Variants in GABRB1 observed in about 807,000 individuals in gnomAD.
The protein encoded by GABRB1 is gamma-aminobutyric acid receptor subunit beta-1.
In GABRB1, 17 loss-of-function variants were observed where a neutral mutation model predicts 51.6. The ratio of observed to expected loss-of-function variants is 0.33; its 90% CI spans 0.23 to 0.49. The LOEUF (loss-of-function observed/expected upper bound fraction) is 0.49, where lower values mean the gene tolerates loss of function less well. GABRB1 is among the 20% of genes least tolerant of loss of function. The pLI, the probability that GABRB1 is intolerant of heterozygous loss-of-function variation, is 0.99. For synonymous variants in GABRB1, 247 were observed against 218.9 expected, an observed-to-expected ratio of 1.13 and a Z score of -1.14; for missense variants, 410 against 600.6, an observed-to-expected ratio of 0.68 and a Z score of 3.32.
rs56838956 is a variant in GABRB1, at chr4:47,254,361, G to GTTTTTTTTTTTTTTTTTTTT, written c.462-65754_462-65735dup. ...ATGGTGGATGATGTTTCTTTTCTTT[G>GTTTTTTTTTTTTTTTTTTTT]TTTTTTTTTTTTTTTTTTTTTTTTT... On this transcript the variant is annotated intron_variant, in intron 4 of 8. Coordinates refer to ENST00000295454, the MANE Select transcript of GABRB1 (RefSeq NM_000812.4). Among the ~76,000 whole-genome samples the GTTTTTTTTTTTTTTTTTTTT allele has an allele frequency of 2.2e-4, 18 of 80,968 alleles. 1 individual carries two copies. The highest frequency in any genetic ancestry group is 8.8e-4 in the African/African-American group (17 of 19,290). The allele number at this position is 80,968 out of a possible 152,430, so 53.1% of individuals were successfully genotyped here.
chr4:47,304,166 G>A (rs141973417), intron 4 of GABRB1, among the ~76,000 whole-genome samples: 18 of 152,002 alleles, frequency 1.2e-4, no homozygotes, highest in African/African-American at 3.9e-4. Flanking sequence ...CCCAGTAGAC[G>A]GATTGCAGGA....
chr4:47,304,791 C>A (rs1400287654), intron 4 of GABRB1, among the ~76,000 whole-genome samples: 2 of 152,036 alleles, frequency 1.3e-5, no homozygotes, highest in Non-Finnish European at 2.9e-5. Flanking sequence ...TATGGAGCTA[C>A]TAAAATCTGC....
At chr4:46,996,396 A>C (rs1260888379) in intron 1 of GABRB1, among the ~76,000 whole-genome samples, 2 of 152,164 alleles carry the variant, frequency 1.3e-5, no homozygotes, top group African/African-American at 4.8e-5. Context: ...TTTACTTTGG[A>C]TATAATAAGA....
chr4:47,140,574 G>A (rs573048525), intron 3 of GABRB1, among the ~76,000 whole-genome samples: 1 of 151,894 alleles, frequency 6.6e-6, no homozygotes, highest in Admixed American at 6.6e-5. Flanking sequence ...GCAGTGACAT[G>A]CAAAACATGG....
At chr4:47,399,635 G>T (rs1382689386) in intron 5 of GABRB1, among the ~76,000 whole-genome samples, 1 of 152,174 alleles carries the variant, frequency 6.6e-6, no homozygotes, top group African/African-American at 2.4e-5. Context: ...TTCTGTAGAA[G>T]AGTTTCCTCA....
chr4:47,173,845 A>G (rs542630902), intron 4 of GABRB1, among the ~76,000 whole-genome samples: 1 of 152,124 alleles, frequency 6.6e-6, no homozygotes, highest in Non-Finnish European at 1.5e-5. Flanking sequence ...TTGATTCTCC[A>G]TTATCCACCA....
chr4:47,017,567 A>G (rs904243889), intron 1 of GABRB1, among the ~76,000 whole-genome samples: 1 of 152,206 alleles, frequency 6.6e-6, no homozygotes, highest in Non-Finnish European at 1.5e-5. Flanking sequence ...ATAAAAGCCT[A>G]TAAAACAGGA....
At chr4:47,396,347 C>T (rs945964727) in intron 5 of GABRB1, among the ~76,000 whole-genome samples, 3 of 152,080 alleles carry the variant, frequency 2.0e-5, no homozygotes, top group Non-Finnish European at 4.4e-5. Context: ...CCACCAGGTC[C>T]CTCCCACAAC....
chr4:47,113,771 TGTTG>T (rs1287803749), intron 3 of GABRB1, among the ~76,000 whole-genome samples: 4 of 152,386 alleles, frequency 2.6e-5, no homozygotes, highest in South Asian at 4.1e-4. Flanking sequence ...CAATGTTTTT[TGTTG>T]GTTTCACCAA....
At chr4:47,254,818 G>A (rs896216347) in intron 4 of GABRB1, among the ~76,000 whole-genome samples, 3 of 152,094 alleles carry the variant, frequency 2.0e-5, no homozygotes, top group Non-Finnish European at 2.9e-5. Context: ...TCTTTATCAT[G>A]CATGCAAAAA....
intron 5 of GABRB1, among the ~76,000 whole-genome samples, chr4:47,336,076 C>A (rs552681372): frequency 6.6e-6 from 1 of 152,254 alleles, no homozygotes; most frequent in South Asian, 2.1e-4. Context: ...AAAATGCCAT[C>A]GACCAAGTGG....
chr4:46,998,628 G>A (rs1212004947), intron 1 of GABRB1, among the ~76,000 whole-genome samples: 2 of 151,602 alleles, frequency 1.3e-5, no homozygotes, highest in African/African-American at 4.8e-5. Flanking sequence ...CAGCTACTCG[G>A]GAGGCTGAGG....
In GABRB1 at chr4:47,051,687, A is replaced by G. The variant is rs1352562672; in HGVS notation, c.240+19203A>G. ...ATGATAATAAGAGTTCAGAAGAAAC[A>G]ATAAGAGCCAAAGGCAACCAGGAAA... is the stretch of plus-strand genomic sequence containing the variant. On this transcript the variant is annotated intron_variant, in intron 3 of 8. Transcript: ENST00000295454. 3.3e-5 allele frequency among the ~76,000 whole-genome samples: 5 copies of G among 152,318 alleles called. No homozygotes were observed. The East Asian group carries it at 9.6e-4, about 29-fold the overall frequency.
At chr4:47,088,723 C>A (rs1728176957) in intron 3 of GABRB1, among the ~76,000 whole-genome samples, 1 of 152,190 alleles carries the variant, frequency 6.6e-6, no homozygotes, top group Non-Finnish European at 1.5e-5. Flanking sequence ...TATATCATCC[C>A]CGTTACTACC....
At chr4:47,318,167 C>A (rs1386757008) in intron 4 of GABRB1, among the ~76,000 whole-genome samples, 1 of 151,946 alleles carries the variant, frequency 6.6e-6, no homozygotes. Context: ...TCAGTCCTCT[C>A]ATTAATCAAA....
intron 4 of GABRB1, among the ~76,000 whole-genome samples, chr4:47,239,776 G>T (rs1268710373): frequency 6.6e-6 from 1 of 152,122 alleles, no homozygotes; most frequent in African/African-American, 2.4e-5. Flanking sequence ...CTTTCCTAGC[G>T]ATCTGCAGAG....
chr4:47,197,256 TG>T (rs1719719086), intron 4 of GABRB1, among the ~76,000 whole-genome samples: 2 of 152,228 alleles, frequency 1.3e-5, no homozygotes, highest in Admixed American at 1.3e-4. Flanking sequence ...CCTGGATATA[TG>T]TTTGATCTAC....
intron 3 of GABRB1, among the ~76,000 whole-genome samples, chr4:47,125,539 G>C: frequency 6.9e-6 from 1 of 144,856 alleles, no homozygotes; most frequent in Non-Finnish European, 1.5e-5. Flanking sequence ...GGTATCTCTA[G>C]ACACAACAAA....
intron 4 of GABRB1, among the ~76,000 whole-genome samples, chr4:47,183,789 T>C (rs1719055684): frequency 6.6e-6 from 1 of 151,904 alleles, no homozygotes; most frequent in South Asian, 2.1e-4. Context: ...TTCGGTTCTA[T>C]TCCACTTTGA....
Sources: gnomAD v4.1 joint callset for allele counts (sites outside exome capture counted in the v4.1 genomes callset) on GRCh38, gnomAD v4.1.1 for gene constraint, MANE v1.5 for transcripts, NCBI Gene and HGNC (gene_info 2026-07-23, HGNC 2026-07-21) for gene names.